Variants in TMPRSS3 observed in about 807,000 individuals in gnomAD.
The protein encoded by TMPRSS3 is transmembrane serine protease 3, also known as transmembrane protease serine 3.
In TMPRSS3, 55 loss-of-function variants were observed where a neutral mutation model predicts 59.6. That is an observed-to-expected ratio of 0.92 (90% CI 0.74 to 1.16). TMPRSS3 has a LOEUF of 1.16. TMPRSS3 is among the 50% of genes most tolerant of loss of function. TMPRSS3 has a pLI of 0.00. For synonymous variants in TMPRSS3, 257 were observed against 237.7 expected (o/e 1.08, Z -0.75); for missense variants, 596 against 579.4 (o/e 1.03, Z -0.29).
chr21:42,388,363 C>CTG lies in TMPRSS3; in HGVS notation c.446+38_446+39dup, dbSNP rs756603352. ...TTGTCTTTCTTTATTGTTATCCTCT[C>CTG]TGTGTTTTGCCCATGGGTTGGAAAT... On this transcript the variant is annotated intron_variant, in intron 5 of 12. Transcript: ENST00000644384. The surrounding 1 kb of genome is among the most constrained non-coding windows in gnomAD (Gnocchi z 5.1). 1.2e-6 allele frequency: 2 copies of CTG among 1,614,182 alleles called. No homozygotes were observed. Among genetic ancestry groups the CTG allele is most frequent in the Non-Finnish European group, 1.7e-6 (2 of 1,179,994 alleles).
At chr21:42,378,827 A>C (rs1166530927) in intron 10 of TMPRSS3, among the ~76,000 whole-genome samples, 1 of 150,468 alleles carries the variant, frequency 6.6e-6, no homozygotes, top group East Asian at 2.0e-4. Context: ...AAGCAATCCC[A>C]CCCCAGCCTC....
chr21:42,388,658 C>T lies in TMPRSS3; in HGVS notation c.323-132G>A. The T allele has an allele frequency of 4.6e-6, 6 of 1,304,318 alleles. No homozygotes were observed. The highest frequency in any genetic ancestry group is 6.6e-6 in the Non-Finnish European group (6 of 914,592). The allele number at this position is 1,304,318 out of a possible 1,614,324, so 80.8% of individuals were successfully genotyped here. Reference sequence around the variant, plus strand: ...ACCCACTTCTTGTCCACGGCAGCCTCCCCATCACAGAGCAGTGACTCTGGA... The same window carrying T: ...ACCCACTTCTTGTCCACGGCAGCCTTCCCATCACAGAGCAGTGACTCTGGA... On this transcript the variant is annotated intron_variant, in intron 4 of 12. Transcript: ENST00000644384. The surrounding 1 kb of genome is among the most constrained non-coding windows in gnomAD (Gnocchi z 5.1).
At chr21:42,395,221 A>C in intron 2 of TMPRSS3, 103 bp downstream of exon 2, 1 of 986,414 alleles carries the variant, frequency 1.0e-6, no homozygotes, top group East Asian at 2.5e-5. Context: ...TGGGTGTCAG[A>C]ATGGCTGGGG....
At position 42,372,016 on chromosome 21, in the gene TMPRSS3, A is replaced by T. The variant is rs1379797679; in HGVS notation, c.*746T>A. The T allele has an allele frequency of 6.6e-6, 3 of 454,420 alleles. No individual in the cohort carries two copies. Among genetic ancestry groups the T allele is most frequent in the Non-Finnish European group, 1.3e-5 (3 of 226,800 alleles). 28.1% of individuals were successfully genotyped at this position (454,420 alleles called of 1,614,324 possible). A position where few individuals can be genotyped will look rare whatever the true frequency, so the allele number is the denominator to read the frequency against. ...TAGATTAACCTCCCCACATGTGAAA[A>T]TAAGTCTTGGAAGTAGAAAGGGTGG... On this transcript the variant is annotated 3_prime_UTR_variant, in exon 13 of 13. Coordinates refer to ENST00000644384, the MANE Select transcript of TMPRSS3 (RefSeq NM_001256317.3).
At chr21:42,395,549 C>A in intron 1 of TMPRSS3, 81 bp from the exon 2 acceptor site, 1 of 804,798 alleles carries the variant, frequency 1.2e-6, no homozygotes, top group Non-Finnish European at 2.1e-6. Context: ...TACGGTAAAT[C>A]TTTGAAATTC....
Position 42,388,671 on chromosome 21 carries a change from C to T in TMPRSS3, c.323-145G>A, listed in dbSNP as rs973725500. ...CCACGGCAGCCTCCCCATCACAGAGCAGTGACTCTGGATCCCTGAGACTTC... is the reference window on the plus strand; with the variant it reads ...CCACGGCAGCCTCCCCATCACAGAGTAGTGACTCTGGATCCCTGAGACTTC... On this transcript the variant is annotated intron_variant, in intron 4 of 12. Coordinates refer to ENST00000644384, the MANE Select transcript of TMPRSS3 (RefSeq NM_001256317.3). This position sits in a 1 kb window ranked among gnomAD's most constrained non-coding sequence, Gnocchi z 5.1. The T allele has an allele frequency of 5.0e-6, 6 of 1,199,550 alleles. No individual in the cohort carries two copies. The highest frequency in any genetic ancestry group is 2.5e-5 in the South Asian group (2 of 80,098). The allele number at this position is 1,199,550 out of a possible 1,614,324, so 74.3% of individuals were successfully genotyped here.
intron 9 of TMPRSS3, 182 bp downstream of exon 9, chr21:42,381,883 A>G: frequency 3.8e-6 from 3 of 796,064 alleles, no homozygotes; most frequent in East Asian, 5.3e-5. Context: ...AGCTAGGAGC[A>G]TCACAATTTT....
At chr21:42,389,286 G>C (rs2052694032) in intron 3 of TMPRSS3, 1 of 279,210 alleles carries the variant, frequency 3.6e-6, no homozygotes, top group African/African-American at 2.3e-5. Context: ...ACAGTGCAAG[G>C]TGAATTTAGA....
chr21:42,383,033 T>A lies in TMPRSS3; in HGVS notation c.782A>T (p.Asp261Val). Reference sequence around the variant, plus strand: ...TGGGAAGATGGTCAGCAGCACTCACTCATAAACACAGTGTGCAGCAGTGAT... The same window carrying A: ...TGGGAAGATGGTCAGCAGCACTCACACATAAACACAGTGTGCAGCAGTGAT... ...WIITAAHCVY[D>V]LYLPKSWTIQ... Residue 261 changes from aspartate (D) to valine (V), a missense_variant and splice_region_variant, in exon 8 of 13, where the codon GAC (aspartate) becomes GTC (valine). Coordinates refer to ENST00000644384, the MANE Select transcript of TMPRSS3 (RefSeq NM_001256317.3). The A allele has an allele frequency of 6.2e-7, 1 of 1,613,914 alleles. No individual in the cohort carries two copies. Among genetic ancestry groups the A allele is most frequent in the Non-Finnish European group, 8.5e-7 (1 of 1,179,990 alleles).
chr21:42,372,440 G>A lies in TMPRSS3; in HGVS notation c.*322C>T, dbSNP rs1276360508. On this transcript the variant is annotated 3_prime_UTR_variant, in exon 13 of 13. Coordinates refer to ENST00000644384, the MANE Select transcript of TMPRSS3 (RefSeq NM_001256317.3). ...TTGGGTGTGGTGGCGGGCACCTGTG[G>A]TCCCAGCTACTGGGGAAGCTGAGGC... is the stretch of plus-strand genomic sequence containing the variant. The A allele has an allele frequency of 3.8e-6, 2 of 532,744 alleles. No individual in the cohort carries two copies. The highest frequency in any genetic ancestry group is 7.2e-6 in the Non-Finnish European group (2 of 278,972). 33.0% of individuals were successfully genotyped at this position (532,744 alleles called of 1,614,324 possible). A position where few individuals can be genotyped will look rare whatever the true frequency, so the allele number is the denominator to read the frequency against.
At position 42,388,953 on chromosome 21, in the gene TMPRSS3, C is replaced by G. The variant is rs397517374; in HGVS notation, c.298G>C (p.Asp100His). The G allele has an allele frequency of 4.3e-6, 7 of 1,614,096 alleles. No individual in the cohort carries two copies. The Admixed American group carries it at 1.2e-4, about 27-fold the overall frequency. ...CCACAGCGGTACTCGTCCTCCCCGT[C>G]TTTGCAATCCGAGACTCCGTCACAT... ...ARCDGVSDCK[D>H]GEDEYRCVRV... Residue 100 changes from aspartate to histidine, a missense_variant, in exon 4 of 13, where the codon GAC becomes CAC. By Grantham distance (81) the Asp-to-His change is moderately conservative. Transcript: ENST00000644384. This position sits in a 1 kb window ranked among gnomAD's most constrained non-coding sequence, Gnocchi z 5.1.
chr21:42,372,286 G>A lies in TMPRSS3; in HGVS notation c.*476C>T, dbSNP rs555701604. ...ATCAGAAAGGAGCGTGAGGCTAGGC[G>A]TGGTGGCCCATGCCTGTAATCCCAG... On this transcript the variant is annotated 3_prime_UTR_variant, in exon 13 of 13. Coordinates refer to ENST00000644384, the MANE Select transcript of TMPRSS3 (RefSeq NM_001256317.3). 5.5e-4 allele frequency: 248 copies of A among 453,396 alleles called. 1 individual carries two copies. Among genetic ancestry groups the A allele is most frequent in the African/African-American group, 2.8e-3 (142 of 50,110 alleles). 28.1% of individuals were successfully genotyped at this position (453,396 alleles called of 1,614,324 possible).
At chr21:42,379,826 T>A (rs2052492322) in intron 10 of TMPRSS3, among the ~76,000 whole-genome samples, 1 of 152,140 alleles carries the variant, frequency 6.6e-6, no homozygotes, top group African/African-American at 2.4e-5. Flanking sequence ...TGTCCTCAGT[T>A]AACAAGGCCG....
chr21:42,392,292 T>C (rs1223957989), intron 2 of TMPRSS3, among the ~76,000 whole-genome samples: 1 of 152,068 alleles, frequency 6.6e-6, no homozygotes, highest in Non-Finnish European at 1.5e-5. Context: ...AGAAGAGAAT[T>C]TGAAGACAAA....
At chr21:42,376,772 A>AACGAGGG (rs1434470266) in intron 10 of TMPRSS3, 89 bp from the exon 11 acceptor site, 4 of 1,591,910 alleles carry the variant, frequency 2.5e-6, no homozygotes, top group Non-Finnish European at 2.6e-6. Flanking sequence ...GGGGTGAGGG[A>AACGAGGG]ACGAGGGACG....
chr21:42,388,589 G>A lies in TMPRSS3; in HGVS notation c.323-63C>T. The A allele has an allele frequency of 1.2e-6, 2 of 1,612,418 alleles. No individual in the cohort carries two copies. Among genetic ancestry groups the A allele is most frequent in the Non-Finnish European group, 1.7e-6 (2 of 1,179,318 alleles). ...AGTGGAACCCTGAGACCATAGGCAG[G>A]GGTTTCTCCACAGCCAGCTCAAACC... On this transcript the variant is annotated intron_variant, in intron 4 of 12. Coordinates refer to ENST00000644384, the MANE Select transcript of TMPRSS3 (RefSeq NM_001256317.3). The surrounding 1 kb of genome is among the most constrained non-coding windows in gnomAD (Gnocchi z 5.1).
chr21:42,382,180 G>A lies in TMPRSS3; in HGVS notation c.837C>T (p.Asp279=). 1 of 1,614,200 alleles carries A rather than the reference G, an allele frequency of 6.2e-7. No individual in the cohort carries two copies. The change falls in exon 9 of 13, where the codon GAC becomes GAT. Residue 279 remains aspartate (D), a synonymous_variant. Transcript: ENST00000644384. ...TIQVGLVSLL[D]NPAPSHLVEK... The stretch of plus-strand genomic sequence containing the variant: ...CCACCAAGTGGGATGGGGCTGGATT[G>A]TCCAACAGGGAAACTAGACCCACCT...
Position 42,395,711 on chromosome 21 carries a change from A to C in TMPRSS3, c.-52+231T>G, listed in dbSNP as rs1370224636. 4.5e-5 allele frequency: 19 copies of C among 423,300 alleles called. 1 individual carries two copies. The highest frequency in any genetic ancestry group is 8.8e-6 in the Non-Finnish European group (2 of 226,964). The allele number at this position is 423,300 out of a possible 1,614,324, so 26.2% of individuals were successfully genotyped here. A position where few individuals can be genotyped will look rare whatever the true frequency, so the allele number is the denominator to read the frequency against. On this transcript the variant is annotated intron_variant, in intron 1 of 12. Coordinates refer to ENST00000644384, the MANE Select transcript of TMPRSS3 (RefSeq NM_001256317.3). ...AAAAAGTATGAACTTAATTCTGCTA[A>C]GACAATGACTTTCCCATTGTTTGTC...
At position 42,372,491 on chromosome 21, in the gene TMPRSS3, C is replaced by CGGA. The variant is rs763182738; in HGVS notation, c.*268_*270dup. On this transcript the variant is annotated 3_prime_UTR_variant, in exon 13 of 13. Coordinates refer to ENST00000644384, the MANE Select transcript of TMPRSS3 (RefSeq NM_001256317.3). ...AAGAGAATCGCTTGAACCAGGGAAG[C>CGGA]GGAGGCTGCAGTGAGCAGGGATTTC... The CGGA allele has an allele frequency of 2.3e-5, 14 of 611,940 alleles. No homozygotes were observed. The highest frequency in any genetic ancestry group is 2.1e-4 in the Admixed American group (10 of 47,284). The allele number at this position is 611,940 out of a possible 1,614,324, so 37.9% of individuals were successfully genotyped here.
Sources: allele counts gnomAD v4.1 joint callset (sites outside exome capture counted in the v4.1 genomes callset), GRCh38; gene constraint gnomAD v4.1.1; non-coding constraint Gnocchi (gnomAD v3.1); transcripts MANE v1.5; gene names NCBI Gene and HGNC (gene_info 2026-07-23, HGNC 2026-07-21).